LFNG: variants seen among roughly 807,000 people sequenced by gnomAD.
The protein encoded by LFNG is beta-1,3-N-acetylglucosaminyltransferase lunatic fringe.
A neutral mutation model predicts 32.7 loss-of-function variants in LFNG; 15 were observed. That is an observed-to-expected ratio of 0.46 (90% CI 0.31 to 0.71). The LOEUF (loss-of-function observed/expected upper bound fraction) is 0.71. Ranked by LOEUF, LFNG falls within the 30% of genes least tolerant of loss-of-function variation. The pLI is 0.06. For missense variants in LFNG, 520 were observed against 545.7 expected, an observed-to-expected ratio of 0.95 and a Z score of 0.47; for synonymous variants, 274 against 246.8, an observed-to-expected ratio of 1.11 and a Z score of -1.03.
upstream of LFNG, among the ~76,000 whole-genome samples, chr7:2,519,538 C>A (rs907692607): frequency 2.1e-4 from 32 of 151,422 alleles, no homozygotes; most frequent in African/African-American, 7.3e-4. Context: ...AGCCCCTCGG[C>A]GGCCCGCAGG....
At position 2,525,256 on chromosome 7, in the gene LFNG, C is replaced by T. The variant is rs1224399368; in HGVS notation, c.519C>T (p.Ser173=). 6.2e-7 allele frequency: 1 copy of T among 1,612,840 alleles called. No homozygotes were observed. The highest frequency in any genetic ancestry group is 8.5e-7 in the Non-Finnish European group (1 of 1,179,914). Residue 173 remains serine (S), a synonymous_variant, in exon 3 of 8, where the codon AGC becomes AGT. Transcript: ENST00000222725. ...TCACAAACTGCTCGGCCGCCCACAG[C>T]CGCCAGGCGCTGTCCTGCAAGATGG... ...VVITNCSAAH[S]RQALSCKMAV...
chr7:2,519,470 C>T (rs2128374824), upstream of LFNG, among the ~76,000 whole-genome samples: 1 of 152,080 alleles, frequency 6.6e-6, no homozygotes, highest in African/African-American at 2.4e-5. Flanking sequence ...CCCCGGACGG[C>T]GCTGGCCAGG....
In LFNG at chr7:2,527,858, A is replaced by T; in HGVS notation, c.*646A>T. On this transcript the variant is annotated 3_prime_UTR_variant, in exon 8 of 8. Transcript: ENST00000222725. This position sits in a 1 kb window ranked among gnomAD's most constrained non-coding sequence, Gnocchi z 4.4. Reference sequence around the variant, plus strand: ...AGTGGCACCCCTCCCAGCTCTTCTGAGTGGGGAGTCTTCCAGGCCTCCTCA... The same window carrying T: ...AGTGGCACCCCTCCCAGCTCTTCTGTGTGGGGAGTCTTCCAGGCCTCCTCA... 1 of 997,764 alleles carries T rather than the reference A, an allele frequency of 1.0e-6. No homozygotes were observed. The highest frequency in any genetic ancestry group is 1.7e-5 in the African/African-American group (1 of 57,592). 61.8% of individuals were successfully genotyped at this position (997,764 alleles called of 1,614,324 possible).
chr7:2,512,554 C>T lies in LFNG; in HGVS notation c.-101C>T, dbSNP rs1273962406. On this transcript the variant is annotated 5_prime_UTR_variant, in exon 1 of 9. Coordinates refer to the LFNG transcript ENST00000402506. ...AGACTAAGCTGCAACACTGGCAGAG[C>T]CTCCCAAGGAAGGGAGGAGGGAGGA... is the stretch of plus-strand genomic sequence containing the variant. 6 of 1,019,726 alleles carry T rather than the reference C, an allele frequency of 5.9e-6. No individual in the cohort carries two copies. In the African/African-American group the frequency reaches 6.3e-5, roughly 11 times the overall value. The allele number at this position is 1,019,726 out of a possible 1,614,324, so 63.2% of individuals were successfully genotyped here.
chr7:2,527,057 G>A lies in LFNG; in HGVS notation c.1074-89G>A, dbSNP rs903416406. 6.8e-7 allele frequency: 1 copy of A among 1,464,240 alleles called. No homozygotes were observed. 90.7% of individuals were successfully genotyped at this position (1,464,240 alleles called of 1,614,324 possible). The stretch of plus-strand genomic sequence containing the variant: ...GTCCCCCGGAGTCCTGCTTGCTCGG[G>A]GTGGGGCCGCCAGTGTTGTGGGACT... On this transcript the variant is annotated intron_variant, in intron 7 of 7. Coordinates refer to ENST00000222725, the MANE Select transcript of LFNG (RefSeq NM_001040167.2). The surrounding 1 kb of genome is among the most constrained non-coding windows in gnomAD (Gnocchi z 4.4).
chr7:2,519,630 C>T (rs1405458932), upstream of LFNG, among the ~76,000 whole-genome samples: 1 of 149,862 alleles, frequency 6.7e-6, no homozygotes, highest in Non-Finnish European at 1.5e-5. Flanking sequence ...CAGTTCCCAG[C>T]CCCCAGCCGC....
At chr7:2,513,368 C>A, upstream of LFNG, 1 of 1,550,816 alleles carries the variant, frequency 6.4e-7, no homozygotes. Flanking sequence ...TCCCCTTCTT[C>A]TGCTTCCAGA....
At position 2,526,950 on chromosome 7, in the gene LFNG, G is replaced by A. The variant is rs1779999074; in HGVS notation, c.1073+29G>A. ...AGGAAACCCCGGCCCAGATGGGCTT[G>A]CGTAGGGTGGCCTAGGGGCGTCAGG... On this transcript the variant is annotated intron_variant, in intron 7 of 7. Coordinates refer to ENST00000222725, the MANE Select transcript of LFNG (RefSeq NM_001040167.2). The surrounding 1 kb of genome is among the most constrained non-coding windows in gnomAD (Gnocchi z 6.9). 1.2e-6 allele frequency: 2 copies of A among 1,604,016 alleles called. No individual in the cohort carries two copies. The highest frequency in any genetic ancestry group is 4.5e-5 in the East Asian group (2 of 44,764).
rs1051854870 is a variant in LFNG, at chr7:2,526,980, C to T, written c.1073+59C>T. 11 of 1,512,734 alleles carry T rather than the reference C, an allele frequency of 7.3e-6. No individual in the cohort carries two copies. In the African/African-American group the frequency reaches 1.5e-4, roughly 21 times the overall value. The allele number at this position is 1,512,734 out of a possible 1,614,324, so 93.7% of individuals were successfully genotyped here. A position where few individuals can be genotyped will look rare whatever the true frequency, so the allele number is the denominator to read the frequency against. ...GGGTGGCCTAGGGGCGTCAGGGGGC[C>T]TCGTGGAGCTGCAGCAGGGTCTCTC... On this transcript the variant is annotated intron_variant, in intron 7 of 7. Transcript: ENST00000222725. The surrounding 1 kb of genome is among the most constrained non-coding windows in gnomAD (Gnocchi z 6.9).
At position 2,526,560 on chromosome 7, in the gene LFNG, A is replaced by G; in HGVS notation, c.987+151A>G. On this transcript the variant is annotated intron_variant, in intron 6 of 7. Transcript: ENST00000222725. This position sits in a 1 kb window ranked among gnomAD's most constrained non-coding sequence, Gnocchi z 6.9. ...GCCAGGGGGGGTCACTCCTGCCATG[A>G]GCTCAAAGCTGTTTATGGCGGGTTG... 2 of 855,756 alleles carry G rather than the reference A, an allele frequency of 2.3e-6. No homozygotes were observed. Among genetic ancestry groups the G allele is most frequent in the Non-Finnish European group, 3.7e-6 (2 of 545,224 alleles). 53.0% of individuals were successfully genotyped at this position (855,756 alleles called of 1,614,324 possible). A position where few individuals can be genotyped will look rare whatever the true frequency, so the allele number is the denominator to read the frequency against.
chr7:2,518,944 C>T (rs1323469292), upstream of LFNG, among the ~76,000 whole-genome samples: 1 of 151,886 alleles, frequency 6.6e-6, no homozygotes, highest in East Asian at 1.9e-4. Flanking sequence ...GGGATGGGGG[C>T]CGTGTGCCGG....
In LFNG at chr7:2,527,035, C is replaced by G; in HGVS notation, c.1074-111C>G. The G allele has an allele frequency of 1.4e-6, 2 of 1,409,652 alleles. No individual in the cohort carries two copies. The highest frequency in any genetic ancestry group is 2.0e-6 in the Non-Finnish European group (2 of 1,006,536). The allele number at this position is 1,409,652 out of a possible 1,614,324, so 87.3% of individuals were successfully genotyped here. A position where few individuals can be genotyped will look rare whatever the true frequency, so the allele number is the denominator to read the frequency against. On this transcript the variant is annotated intron_variant, in intron 7 of 7. Transcript: ENST00000222725. This position sits in a 1 kb window ranked among gnomAD's most constrained non-coding sequence, Gnocchi z 4.4. ...CGGCATGACTCTACATAGAGGTGTC[C>G]CCCGGAGTCCTGCTTGCTCGGGGTG... is the stretch of plus-strand genomic sequence containing the variant.
upstream of LFNG, chr7:2,513,404 G>A: frequency 3.5e-6 from 5 of 1,442,658 alleles, no homozygotes; most frequent in African/African-American, 4.2e-5. Context: ...CTTTGATGCT[G>A]TATCGTCTTC....
At chr7:2,521,007 G>A (rs897151911) in intron 1 of LFNG, among the ~76,000 whole-genome samples, 1 of 152,194 alleles carries the variant, frequency 6.6e-6, no homozygotes, top group Non-Finnish European at 1.5e-5. Context: ...GCGGGATGGG[G>A]ACAGTGTGTG....
At chr7:2,524,872 T>C (rs1779906307) in intron 2 of LFNG, 129 bp downstream of exon 2, 1 of 871,272 alleles carries the variant, frequency 1.1e-6, no homozygotes, top group Non-Finnish European at 1.9e-6. Flanking sequence ...AGTTTACTCA[T>C]GGGGTTTGCT....
intron 1 of LFNG, among the ~76,000 whole-genome samples, chr7:2,522,733 C>T (rs572956310): frequency 3.3e-5 from 5 of 152,354 alleles, no homozygotes; most frequent in African/African-American, 9.6e-5. Flanking sequence ...AGGCTGGTGC[C>T]TGCACCTCTC....
chr7:2,514,435 C>T (rs1234912451), upstream of LFNG, among the ~76,000 whole-genome samples: 1 of 152,258 alleles, frequency 6.6e-6, no homozygotes, highest in African/African-American at 2.4e-5. Flanking sequence ...AGCACCCTCC[C>T]AGCCACCCGC....
At position 2,526,916 on chromosome 7, in the gene LFNG, A is replaced by G; in HGVS notation, c.1068A>G (p.Pro356=). 3.1e-6 allele frequency: 5 copies of G among 1,612,370 alleles called. No homozygotes were observed. Among genetic ancestry groups the G allele is most frequent in the Non-Finnish European group, 4.2e-6 (5 of 1,179,832 alleles). Residue 356 remains proline (P), a synonymous_variant, in exon 7 of 8, where the codon CCA becomes CCG. Coordinates refer to ENST00000222725, the MANE Select transcript of LFNG (RefSeq NM_001040167.2). This position sits in a 1 kb window ranked among gnomAD's most constrained non-coding sequence, Gnocchi z 6.9. Reference sequence around the variant, plus strand: ...GGCCCTTCTCGGTGGAGGCCGACCCATCCAGGTAAGGAAACCCCGGCCCAG... The same window carrying G: ...GGCCCTTCTCGGTGGAGGCCGACCCGTCCAGGTAAGGAAACCCCGGCCCAG... ...VKGPFSVEAD[P]SRFRSIHCHL... is the part of the protein sequence containing the mutation.
At chr7:2,528,446 C>G (rs944654533), downstream of LFNG, 16 of 993,278 alleles carry the variant, frequency 1.6e-5, no homozygotes, top group Non-Finnish European at 1.9e-5. Flanking sequence ...GGGTCCTGGT[C>G]TTGGCTGGAG....
Sources: allele counts gnomAD v4.1 joint callset (sites outside exome capture counted in the v4.1 genomes callset), GRCh38; gene constraint gnomAD v4.1.1; non-coding constraint Gnocchi (gnomAD v3.1); transcripts MANE v1.5; gene names NCBI Gene and HGNC (gene_info 2026-07-23, HGNC 2026-07-21).